Variants in MXI1 observed in about 807,000 individuals in gnomAD.
The protein encoded by MXI1 is max-interacting protein 1.
In MXI1, 18 loss-of-function variants were observed where a neutral mutation model predicts 36.9. The observed-to-expected ratio is 0.49, with a 90% confidence interval of 0.34 to 0.72. MXI1 has a LOEUF of 0.72. MXI1 is among the 30% of genes least tolerant of loss of function. MXI1 has a pLI of 0.01. For synonymous variants in MXI1, 160 were observed against 146.7 expected, an observed-to-expected ratio of 1.09 and a Z score of -0.65; for missense variants, 304 against 379.1, an observed-to-expected ratio of 0.80 and a Z score of 1.64.
chr10:110,223,597 A>T (rs1325471279), intron 1 of MXI1, among the ~76,000 whole-genome samples: 9 of 152,012 alleles, frequency 5.9e-5, no homozygotes, highest in South Asian at 2.1e-4. Flanking sequence ...AAATAAATAA[A>T]AAATAAATAA....
chr10:110,246,334 A>AG (rs1044378833), intron 3 of MXI1, among the ~76,000 whole-genome samples: 2 of 152,192 alleles, frequency 1.3e-5, no homozygotes, highest in Admixed American at 1.3e-4. Context: ...TAAAAAAAAA[A>AG]TGAGAGAGAT....
chr10:110,278,394 T>A (rs1857112000), intron 3 of MXI1, among the ~76,000 whole-genome samples: 1 of 152,164 alleles, frequency 6.6e-6, no homozygotes, highest in East Asian at 1.9e-4. Context: ...AGGCAGGTAG[T>A]GAGAGAGACG....
Position 110,276,511 on chromosome 10 carries a change from T to C in MXI1, c.438-2669T>C, listed in dbSNP as rs1230125149. 3.9e-5 allele frequency among the ~76,000 whole-genome samples: 6 copies of C among 152,220 alleles called. No individual in the cohort carries two copies. In the South Asian group the frequency reaches 8.3e-4, roughly 21 times the overall value. On this transcript the variant is annotated intron_variant, in intron 3 of 5. Coordinates refer to ENST00000332674, the MANE Select transcript of MXI1 (RefSeq NM_130439.3). ...TTACAATCTCTCGATTTATTCAGAT[T>C]CTGTTGTCCTTGATATCTGTATGAC...
At chr10:110,219,116 A>G (rs546680637) in intron 1 of MXI1, among the ~76,000 whole-genome samples, 4 of 152,294 alleles carry the variant, frequency 2.6e-5, no homozygotes, top group Admixed American at 6.5e-5. Flanking sequence ...CCTGGCCAAT[A>G]TGGTGAAACC....
chr10:110,212,059 G>A lies in MXI1; in HGVS notation c.274+3977G>A, dbSNP rs1854528412. Among the ~76,000 whole-genome samples, 4 of 152,232 alleles carry A rather than the reference G, an allele frequency of 2.6e-5. No individual in the cohort carries two copies. The South Asian group carries it at 8.3e-4, about 31-fold the overall frequency. On this transcript the variant is annotated intron_variant, in intron 1 of 5. Transcript: ENST00000332674. ...TTATGTGCATAAGAGCCGACTGGCAGGTAAGTGAAACAAGCTGTGAGAGCA... is the reference window on the plus strand; with the variant it reads ...TTATGTGCATAAGAGCCGACTGGCAAGTAAGTGAAACAAGCTGTGAGAGCA...
chr10:110,253,379 A>T (rs142708108), intron 3 of MXI1, among the ~76,000 whole-genome samples: 1 of 152,208 alleles, frequency 6.6e-6, no homozygotes, highest in African/African-American at 2.4e-5. Flanking sequence ...ACTGAGGGTT[A>T]GGCAGTGTTT....
intron 3 of MXI1, among the ~76,000 whole-genome samples, chr10:110,268,082 T>A (rs907304312): frequency 1.3e-5 from 2 of 152,190 alleles, no homozygotes; most frequent in African/African-American, 4.8e-5. Flanking sequence ...GTTCTTGCTG[T>A]TGGAATATAC....
chr10:110,236,006 C>CA (rs1404260144), intron 2 of MXI1, among the ~76,000 whole-genome samples: 4 of 150,632 alleles, frequency 2.7e-5, no homozygotes, highest in Non-Finnish European at 5.9e-5. Context: ...GACTCCATCT[C>CA]AAAAAAAATT....
chr10:110,236,617 C>T (rs998074178), intron 2 of MXI1, among the ~76,000 whole-genome samples: 2 of 152,106 alleles, frequency 1.3e-5, no homozygotes, highest in African/African-American at 4.8e-5. Context: ...TGCACTCCCA[C>T]ACTCTGCTAA....
At chr10:110,280,568 T>C (rs1295098654) in intron 5 of MXI1, among the ~76,000 whole-genome samples, 1 of 151,658 alleles carries the variant, frequency 6.6e-6, no homozygotes, top group Non-Finnish European at 1.5e-5. Flanking sequence ...TAGTCCTAGC[T>C]ACTCGGGAGG....
intron 3 of MXI1, among the ~76,000 whole-genome samples, chr10:110,253,916 C>A (rs1856189776): frequency 6.6e-6 from 1 of 151,908 alleles, no homozygotes; most frequent in African/African-American, 2.4e-5. Context: ...AAACTGAATC[C>A]TTTCTCCCTA....
Position 110,228,266 on chromosome 10 carries a change from T to C in MXI1, c.352T>C (p.Leu118=), listed in dbSNP as rs1855135294. 3.1e-6 allele frequency: 5 copies of C among 1,613,908 alleles called. No homozygotes were observed. The highest frequency in any genetic ancestry group is 1.1e-5 in the South Asian group (1 of 91,058). ...RLQHSKPPRR[L]SRAQKHSSGS... ...GCAGCATTCAAAGCCCCCACGGAGG[T>C]TGAGCCGGGCACAGAAACACAGCAG... Residue 118 remains leucine, a synonymous_variant, in exon 2 of 6, where the codon TTG becomes CTG. Coordinates refer to ENST00000332674, the MANE Select transcript of MXI1 (RefSeq NM_130439.3).
intron 5 of MXI1, among the ~76,000 whole-genome samples, chr10:110,282,917 A>G (rs750119757): frequency 1.3e-5 from 2 of 152,084 alleles, no homozygotes; most frequent in African/African-American, 2.4e-5. Flanking sequence ...GGCTCAAGCA[A>G]TCCTCCTGCC....
intron 1 of MXI1, among the ~76,000 whole-genome samples, chr10:110,218,453 A>C (rs1436363191): frequency 6.6e-6 from 1 of 151,846 alleles, no homozygotes; most frequent in Non-Finnish European, 1.5e-5. Context: ...CCATCTCAAA[A>C]AAAAAAAAAA....
intron 2 of MXI1, among the ~76,000 whole-genome samples, chr10:110,232,510 A>T (rs1468747435): frequency 6.6e-6 from 1 of 152,154 alleles, no homozygotes; most frequent in Non-Finnish European, 1.5e-5. Context: ...AGTGTTCATC[A>T]CATTTGTAGA....
intron 1 of MXI1, among the ~76,000 whole-genome samples, chr10:110,209,177 C>T (rs1245399308): frequency 5.3e-5 from 8 of 152,124 alleles, no homozygotes; most frequent in African/African-American, 1.9e-4. Context: ...GCGTGTGCAG[C>T]GTATCCAGCA....
intron 3 of MXI1, among the ~76,000 whole-genome samples, chr10:110,259,815 A>T (rs1266846045): frequency 6.6e-6 from 1 of 152,084 alleles, no homozygotes; most frequent in Non-Finnish European, 1.5e-5. Context: ...AAGTGTTACT[A>T]GTGAAAAACT....
Position 110,232,121 on chromosome 10 carries a change from C to T in MXI1, c.407+3800C>T, listed in dbSNP as rs145951605. Among the ~76,000 whole-genome samples the T allele has an allele frequency of 1.1e-3, 166 of 152,174 alleles. 1 individual carries two copies. Among genetic ancestry groups the T allele is most frequent in the African/African-American group, 3.6e-3 (148 of 41,510 alleles). On this transcript the variant is annotated intron_variant, in intron 2 of 5. Transcript: ENST00000332674. ...GACTACAGGTGCCTGCCACCATGCC[C>T]GGCTAATTTTTTGTATTTTTAGTAG...
At chr10:110,246,515 T>C (rs1371530899) in intron 3 of MXI1, among the ~76,000 whole-genome samples, 2 of 152,196 alleles carry the variant, frequency 1.3e-5, no homozygotes, top group African/African-American at 4.8e-5. Flanking sequence ...AGCATAGTTT[T>C]TCAGGCAGAC....
Sources: allele counts gnomAD v4.1 joint callset (sites outside exome capture counted in the v4.1 genomes callset), GRCh38; gene constraint gnomAD v4.1.1; transcripts MANE v1.5; gene names NCBI Gene and HGNC (gene_info 2026-07-23, HGNC 2026-07-21).